Variants in FCRLB observed in about 807,000 individuals in gnomAD.
The protein encoded by FCRLB is Fc receptor like B, also known as Fc receptor-like B.
A neutral mutation model predicts 33.6 loss-of-function variants in FCRLB; 34 were observed. That is an observed-to-expected ratio of 1.01 (90% CI 0.77 to 1.35). FCRLB has a LOEUF of 1.35. Among genes scored for constraint, FCRLB ranks in the 40% most tolerant of loss-of-function variants. The pLI, the probability that FCRLB is intolerant of heterozygous loss-of-function variation, is 0.00. For missense variants in FCRLB, 560 were observed against 580.2 expected, an observed-to-expected ratio of 0.97 and a Z score of 0.36; for synonymous variants, 280 against 255.9, an observed-to-expected ratio of 1.09 and a Z score of -0.90.
chr1:161,727,089 G>T, intron 7 of FCRLB, 96 bp downstream of exon 7: 2 of 769,894 alleles, frequency 2.6e-6, no homozygotes, highest in Non-Finnish European at 3.2e-6. Flanking sequence ...CCTGGTTCCC[G>T]TCCCGCCCCC....
intron 7 of FCRLB, 69 bp downstream of exon 7, chr1:161,727,062 A>G: frequency 7.1e-7 from 1 of 1,409,210 alleles, no homozygotes; most frequent in Non-Finnish European, 9.2e-7. Flanking sequence ...CTCGGCACCC[A>G]CGAATCACCC....
chr1:161,723,721 A>T (rs1239034750), intron 5 of FCRLB, 100 bp downstream of exon 5: 2 of 1,515,244 alleles, frequency 1.3e-6, no homozygotes, highest in African/African-American at 2.8e-5. Context: ...AAGGTGCAGG[A>T]AACAAGGGCC....
chr1:161,727,336 C>G, exon 8 of FCRLB: 1 of 1,613,620 alleles, frequency 6.2e-7, no homozygotes, highest in Non-Finnish European at 8.5e-7. Context: ...CTTCAGAAAG[C>G]CCCCGGTGTC....
At chr1:161,722,726 G>A in intron 3 of FCRLB, 23 bp downstream of exon 3, 2 of 1,613,678 alleles carry the variant, frequency 1.2e-6, no homozygotes, top group South Asian at 1.1e-5. Flanking sequence ...TGAGGCAGCA[G>A]AAGAGCTTTG....
intron 4 of FCRLB, among the ~76,000 whole-genome samples, 173 bp downstream of exon 4, chr1:161,723,182 C>A (rs1683429875): frequency 6.6e-6 from 1 of 152,154 alleles, no homozygotes; most frequent in Non-Finnish European, 1.5e-5. Flanking sequence ...TGGGTGCTGG[C>A]TGATGGACTG....
At chr1:161,722,934 C>A in intron 3 of FCRLB, 55 bp from the exon 4 acceptor site, 1 of 1,609,894 alleles carries the variant, frequency 6.2e-7, no homozygotes, top group Non-Finnish European at 8.5e-7. Context: ...AGTCTCTCTC[C>A]TCTCATCGCC....
Position 161,722,284 on chromosome 1 carries a change from G to A in FCRLB, c.-20-369G>A, listed in dbSNP as rs551239179. ...CTGAGCCTTGCAGGGCTGGCTGGAA[G>A]GTGGAGAAGGGATGGGATGGGAGTG... On this transcript the variant is annotated intron_variant, in intron 2 of 7. Transcript: ENST00000367948. Among the ~76,000 whole-genome samples the A allele has an allele frequency of 6.2e-4, 95 of 152,350 alleles. 2 individuals carry two copies. The highest frequency in any genetic ancestry group is 6.2e-3 in the Admixed American group (95 of 15,308).
chr1:161,727,744 C>A, exon 8 of FCRLB: 1 of 1,450,196 alleles, frequency 6.9e-7, no homozygotes, highest in Non-Finnish European at 9.2e-7. Context: ...TCAAAGCCAT[C>A]TGTTTGCATC....
In FCRLB at chr1:161,726,026, C is replaced by T. The variant is rs763442846; in HGVS notation, c.513C>T (p.Thr171=). 41 of 1,613,748 alleles carry T rather than the reference C, an allele frequency of 2.5e-5. No individual in the cohort carries two copies. Among genetic ancestry groups the T allele is most frequent in the Admixed American group, 5.0e-5 (3 of 59,992 alleles). ...GCGGGCGCTACCAGTGCTCGGGCAC[C>T]ATGCGCATCCCGGTGGAGAGCGCGC... Residue 171 remains threonine, a synonymous_variant, in exon 6 of 8, where the codon ACC becomes ACT. Transcript: ENST00000367948. The surrounding 1 kb of genome is among the most constrained non-coding windows in gnomAD (Gnocchi z 5.2).
Position 161,726,108 on chromosome 1 carries a change from C to A in FCRLB, c.574+21C>A. On this transcript the variant is annotated intron_variant, in intron 6 of 7. Transcript: ENST00000367948. This position sits in a 1 kb window ranked among gnomAD's most constrained non-coding sequence, Gnocchi z 5.2. ...GCAAGGTGGGAGAGACCAGGGGCCC[C>A]GGGAGGGAGGCAAATGAGCATTGAG... 1 of 1,604,812 alleles carries A rather than the reference C, an allele frequency of 6.2e-7. No homozygotes were observed. Among genetic ancestry groups the A allele is most frequent in the South Asian group, 1.1e-5 (1 of 90,288 alleles).
chr1:161,727,877 A>G (rs971618885), exon 8 of FCRLB: 9 of 580,340 alleles, frequency 1.6e-5, no homozygotes, highest in Admixed American at 9.5e-5. Flanking sequence ...TTCAGCAAGA[A>G]GTAGAAACCT....
chr1:161,722,819 T>C (rs1413220527), intron 3 of FCRLB, 116 bp downstream of exon 3: 2 of 1,510,326 alleles, frequency 1.3e-6, no homozygotes, highest in Non-Finnish European at 1.8e-6. Context: ...TTCATTATCT[T>C]TTTTTGGAGG....
exon 8 of FCRLB, chr1:161,727,353 G>T (rs922740553): frequency 8.1e-6 from 13 of 1,613,716 alleles, no homozygotes; most frequent in Non-Finnish European, 1.1e-5. Flanking sequence ...TGTCCAGATC[G>T]GTCCCGTTGG....
chr1:161,722,580 C>T, intron 2 of FCRLB, 73 bp from the exon 3 acceptor site: 3 of 1,417,526 alleles, frequency 2.1e-6, no homozygotes, highest in Non-Finnish European at 2.0e-6. Flanking sequence ...TCCTAGTACT[C>T]AGTGGCATCC....
chr1:161,722,219 G>A lies in FCRLB; in HGVS notation c.-21+369G>A, dbSNP rs1348423501. On this transcript the variant is annotated intron_variant, in intron 2 of 7. Transcript: ENST00000367948. ...AATGTCTGTCATCAGGAGTGAGCAG[G>A]AAAAAGGTCCTTAAGGACATGAGGC... Among the ~76,000 whole-genome samples the A allele has an allele frequency of 2.0e-5, 3 of 152,280 alleles. No individual in the cohort carries two copies. In the South Asian group the frequency reaches 6.2e-4, roughly 32 times the overall value.
Position 161,726,603 on chromosome 1 carries a change from T to G in FCRLB, c.575-100T>G. ...CACACGGCCTCCTCCCCTCCCCCCTTGGTCTGTGGGTCTGCAAGGAGCCCT... is the reference window on the plus strand; with the variant it reads ...CACACGGCCTCCTCCCCTCCCCCCTGGGTCTGTGGGTCTGCAAGGAGCCCT... On this transcript the variant is annotated intron_variant, in intron 6 of 7. Coordinates refer to ENST00000367948, the Ensembl canonical transcript of FCRLB. The surrounding 1 kb of genome is among the most constrained non-coding windows in gnomAD (Gnocchi z 5.2). 1.4e-5 allele frequency: 21 copies of G among 1,466,094 alleles called. No individual in the cohort carries two copies. The highest frequency in any genetic ancestry group is 3.7e-5 in the South Asian group (3 of 81,966). 90.8% of individuals were successfully genotyped at this position (1,466,094 alleles called of 1,614,324 possible). A position where few individuals can be genotyped will look rare whatever the true frequency, so the allele number is the denominator to read the frequency against.
chr1:161,726,991 C>G lies in FCRLB; in HGVS notation c.863C>G (p.Pro288Arg), dbSNP rs375194945. The change falls in exon 7 of 8, where the codon CCG (proline) becomes CGG (arginine). Residue 288 changes from proline to arginine, a missense_variant and splice_region_variant. By Grantham distance (103) the Pro-to-Arg change is moderately radical. Coordinates refer to ENST00000367948, the Ensembl canonical transcript of FCRLB. The surrounding 1 kb of genome is among the most constrained non-coding windows in gnomAD (Gnocchi z 5.2). ...AGTCCGTGGCTGCAGCTCCCGGGGC[C>G]GGGTGAGTGCCTGCACACCCTCCCG... 3.3e-6 allele frequency: 5 copies of G among 1,518,088 alleles called. No individual in the cohort carries two copies. In the East Asian group the frequency reaches 1.2e-4, roughly 35 times the overall value. The allele number at this position is 1,518,088 out of a possible 1,614,324, so 94.0% of individuals were successfully genotyped here.
Position 161,726,649 on chromosome 1 carries a change from G to C in FCRLB, c.575-54G>C. On this transcript the variant is annotated intron_variant, in intron 6 of 7. Transcript: ENST00000367948. This position sits in a 1 kb window ranked among gnomAD's most constrained non-coding sequence, Gnocchi z 5.2. ...GCCCTCGCGGGAAGCAGGAAGGAGC[G>C]GGGTCGCGGAGCGGTGGACAAGCCG... 2 of 1,550,822 alleles carry C rather than the reference G, an allele frequency of 1.3e-6. No individual in the cohort carries two copies. Among genetic ancestry groups the C allele is most frequent in the Non-Finnish European group, 8.7e-7 (1 of 1,155,258 alleles).
At chr1:161,727,391 C>A in exon 8 of FCRLB, 1 of 1,613,642 alleles carries the variant, frequency 6.2e-7, no homozygotes. Context: ...ACCACCTCCA[C>A]CGGGCTGCAG....
Sources: allele counts gnomAD v4.1 joint callset (sites outside exome capture counted in the v4.1 genomes callset), GRCh38; gene constraint gnomAD v4.1.1; non-coding constraint Gnocchi (gnomAD v3.1); transcripts MANE v1.5; gene names NCBI Gene and HGNC (gene_info 2026-07-23, HGNC 2026-07-21).